The following SNX14 variants were observed in gnomAD, a reference collection of about 807,000 sequenced individuals.
SNX14 encodes the protein sorting nexin 14.
SNX14 carries 93 observed loss-of-function variants against 133.8 expected under a neutral mutation model. The observed-to-expected ratio is 0.70, with a 90% CI of 0.59 to 0.83. The LOEUF (loss-of-function observed/expected upper bound fraction) is 0.83, where lower values mean the gene tolerates loss of function less well. SNX14 is among the 40% of genes least tolerant of loss of function. The pLI, the probability that SNX14 is intolerant of heterozygous loss-of-function variation, is 0.00. For synonymous variants in SNX14, 368 were observed against 365.6 expected, an observed-to-expected ratio of 1.01 and a Z score of -0.07; for missense variants, 945 against 1,094.9, an observed-to-expected ratio of 0.86 and a Z score of 1.93.
At chr6:85,580,975 G>A (rs1798880493) in intron 1 of SNX14, among the ~76,000 whole-genome samples, 1 of 152,136 alleles carries the variant, frequency 6.6e-6, no homozygotes, top group Non-Finnish European at 1.5e-5. Flanking sequence ...ACCACCTGCT[G>A]ATTATAGAGC....
rs745418636 is a variant in SNX14 at position 85,566,733 on chromosome 6, T to C, written c.461+801A>G. ...AAAAGAAAGAAAAGAAAATTCAAAATATACTGAATCAATATAAAATCAGGG... is the reference window on the plus strand; with the variant it reads ...AAAAGAAAGAAAAGAAAATTCAAAACATACTGAATCAATATAAAATCAGGG... On this transcript the variant is annotated intron_variant, in intron 5 of 28. Coordinates refer to ENST00000314673, the MANE Select transcript of SNX14 (RefSeq NM_153816.6). Among the ~76,000 whole-genome samples, 17 of 151,926 alleles carry C rather than the reference T, an allele frequency of 1.1e-4. No individual in the cohort carries two copies. In the Middle Eastern group the frequency reaches 0.01, roughly 91 times the overall value.
chr6:85,505,938 A>G lies in SNX14; in HGVS notation c.*29T>C, dbSNP rs372876171. On this transcript the variant is annotated 3_prime_UTR_variant, in exon 29 of 29. Transcript: ENST00000314673. ...CCACCCTCGCACAGCAGAAATTTCA[A>G]TGGGTTATTCTATACCAAATCCAAG... The G allele has an allele frequency of 3.9e-6, 6 of 1,557,486 alleles. No homozygotes were observed. The South Asian group carries it at 6.7e-5, about 17-fold the overall frequency.
At chr6:85,578,509 C>G (rs898896910) in intron 1 of SNX14, among the ~76,000 whole-genome samples, 1 of 152,072 alleles carries the variant, frequency 6.6e-6, no homozygotes, top group African/African-American at 2.4e-5. Context: ...GTTGTGGGAT[C>G]TTTTCCAGCA....
intron 1 of SNX14, among the ~76,000 whole-genome samples, chr6:85,579,970 T>C (rs1266077091): frequency 6.6e-6 from 1 of 152,196 alleles, no homozygotes; most frequent in African/African-American, 2.4e-5. Context: ...GATCTTGTTC[T>C]GCCTCTCTCT....
chr6:85,514,317 AC>A, intron 24 of SNX14, 83 bp from the exon 25 acceptor site: 1 of 1,515,720 alleles, frequency 6.6e-7, no homozygotes, highest in Non-Finnish European at 8.9e-7. Context: ...AACACAAATG[AC>A]CATGGTCAAT....
chr6:85,554,220 G>GTT (rs1788834201), intron 7 of SNX14, among the ~76,000 whole-genome samples: 2 of 150,744 alleles, frequency 1.3e-5, no homozygotes, highest in Admixed American at 1.3e-4. Context: ...TCCAATTTAA[G>GTT]TTTATATATA....
chr6:85,507,880 T>C, intron 27 of SNX14, 88 bp downstream of exon 27: 5 of 954,414 alleles, frequency 5.2e-6, no homozygotes, highest in South Asian at 1.7e-5. Context: ...TATAGTGTCA[T>C]TTATACAACT....
At position 85,547,176 on chromosome 6, in the gene SNX14, A is replaced by C. The variant is rs1253294347; in HGVS notation, c.1044T>G (p.Phe348Leu). 6.2e-7 allele frequency: 1 copy of C among 1,613,958 alleles called. No homozygotes were observed. The highest frequency in any genetic ancestry group is 8.5e-7 in the Non-Finnish European group (1 of 1,179,962). Residue 348 changes from phenylalanine (F) to leucine (L), a missense_variant, in exon 12 of 29, where the codon TTT (phenylalanine) becomes TTG (leucine). By Grantham distance (22) the Phe-to-Leu change is conservative. This residue lies in a region of SNX14 where 514 missense variants were observed against 538.8 expected (regional missense o/e 0.95). Coordinates refer to ENST00000314673, the MANE Select transcript of SNX14 (RefSeq NM_153816.6). ...KQIREQQDLL[F>L]RFMNFLKQEG... Reference sequence around the variant, plus strand: ...CTTGTTTCAGAAAGTTCATAAAACGAAATAAAAGATCTTGTTGCTCTCTGA... The same window carrying C: ...CTTGTTTCAGAAAGTTCATAAAACGCAATAAAAGATCTTGTTGCTCTCTGA...
chr6:85,546,965 CAAAAAAAA>C, intron 12 of SNX14, 139 bp downstream of exon 12: 4 of 388,098 alleles, frequency 1.0e-5, no homozygotes, highest in South Asian at 3.7e-5. Context: ...CCGCCTCAAA[CAAAAAAAA>C]AAAAAAAAAA....
chr6:85,534,590 C>T (rs1781285748), intron 17 of SNX14, among the ~76,000 whole-genome samples: 1 of 152,122 alleles, frequency 6.6e-6, no homozygotes, highest in African/African-American at 2.4e-5. Flanking sequence ...TTCCTTGGGT[C>T]ACTATAAAAC....
intron 7 of SNX14, among the ~76,000 whole-genome samples, chr6:85,551,354 G>C (rs1442857150): frequency 6.6e-6 from 1 of 152,128 alleles, no homozygotes; most frequent in African/African-American, 2.4e-5. Context: ...ACTGTGGCTG[G>C]AAACTCCCTC....
intron 7 of SNX14, among the ~76,000 whole-genome samples, chr6:85,550,299 G>T (rs1410840672): frequency 6.6e-6 from 1 of 152,100 alleles, no homozygotes; most frequent in African/African-American, 2.4e-5. Context: ...GCAATAAATT[G>T]ATAAATGGAC....
chr6:85,562,359 C>T (rs977236295), intron 6 of SNX14, among the ~76,000 whole-genome samples: 1 of 152,082 alleles, frequency 6.6e-6, no homozygotes, highest in Non-Finnish European at 1.5e-5. Flanking sequence ...TGCATTCCCA[C>T]CAGCAGCATA....
chr6:85,510,790 G>C (rs1178563584), intron 26 of SNX14, among the ~76,000 whole-genome samples: 2 of 152,264 alleles, frequency 1.3e-5, no homozygotes, highest in East Asian at 3.9e-4. Flanking sequence ...CTGTAAGTCT[G>C]TTCTTTTGCT....
At chr6:85,577,825 A>G (rs1797803868) in intron 1 of SNX14, among the ~76,000 whole-genome samples, 1 of 152,234 alleles carries the variant, frequency 6.6e-6, no homozygotes, top group Non-Finnish European at 1.5e-5. Flanking sequence ...TACTACAGAA[A>G]TGAAGTGGAC....
At position 85,507,953 on chromosome 6, in the gene SNX14, T is replaced by C. The variant is rs762567529; in HGVS notation, c.2745+15A>G. 6.2e-7 allele frequency: 1 copy of C among 1,609,574 alleles called. No homozygotes were observed. The highest frequency in any genetic ancestry group is 8.5e-7 in the Non-Finnish European group (1 of 1,176,970). ...ACCTAGCCAGCATGAGTTTACGAGCTTTAATGAGCTTTACCTGCTTGTTGA... is the reference window on the plus strand; with the variant it reads ...ACCTAGCCAGCATGAGTTTACGAGCCTTAATGAGCTTTACCTGCTTGTTGA... On this transcript the variant is annotated intron_variant, in intron 27 of 28. Coordinates refer to ENST00000314673, the MANE Select transcript of SNX14 (RefSeq NM_153816.6).
intron 2 of SNX14, among the ~76,000 whole-genome samples, chr6:85,573,673 G>C (rs1346354356): frequency 1.3e-5 from 2 of 152,112 alleles, no homozygotes; most frequent in African/African-American, 4.8e-5. Context: ...AATTTAATAG[G>C]ATTAGATCAT....
At chr6:85,563,892 G>C (rs1792776859) in intron 6 of SNX14, among the ~76,000 whole-genome samples, 1 of 151,974 alleles carries the variant, frequency 6.6e-6, no homozygotes, top group African/African-American at 2.4e-5. Context: ...ATTTACATTA[G>C]GTATATCTCC....
chr6:85,566,415 C>T (rs1407783696), intron 5 of SNX14, among the ~76,000 whole-genome samples: 2 of 150,440 alleles, frequency 1.3e-5, no homozygotes, highest in Non-Finnish European at 3.0e-5. Context: ...ATTAGAAATT[C>T]GGCCAGGCAT....
Sources: gnomAD v4.1 joint callset for allele counts (sites outside exome capture counted in the v4.1 genomes callset) on GRCh38, gnomAD v4.1.1 for gene constraint, gnomAD v4.1.1 regional missense constraint, MANE v1.5 for transcripts, NCBI Gene and HGNC (gene_info 2026-07-23, HGNC 2026-07-21) for gene names.